The following CACUL1 variants were observed in gnomAD, a reference collection of about 807,000 sequenced individuals.
CACUL1 encodes CDK2 associated cullin domain 1, also known as CDK2-associated and cullin domain-containing protein 1.
CACUL1 carries 13 observed loss-of-function variants against 45.2 expected under a neutral mutation model. The observed-to-expected ratio is 0.29, with a 90% CI of 0.19 to 0.46. CACUL1 has a LOEUF of 0.46. Ranked by LOEUF, CACUL1 falls within the 20% of genes least tolerant of loss-of-function variation. The pLI is 1.00. For synonymous variants in CACUL1, 197 were observed against 174.2 expected (o/e 1.13, Z -1.03); for missense variants, 421 against 471.4 (o/e 0.89, Z 0.99).
At chr10:118,750,940 G>A (rs918283131) in intron 1 of CACUL1, among the ~76,000 whole-genome samples, 2 of 152,008 alleles carry the variant, frequency 1.3e-5, no homozygotes, top group South Asian at 2.1e-4. Context: ...GGGAAAATGC[G>A]GTACCATCAC....
intron 3 of CACUL1, among the ~76,000 whole-genome samples, chr10:118,718,735 G>A (rs1278735780): frequency 4.6e-5 from 7 of 152,004 alleles, no homozygotes; most frequent in East Asian, 3.9e-4. Flanking sequence ...CACCACGCCC[G>A]GCTAATTTTT....
intron 7 of CACUL1, 125 bp from the exon 8 acceptor site, chr10:118,686,766 A>T: frequency 1.4e-6 from 1 of 697,844 alleles, no homozygotes; most frequent in Non-Finnish European, 2.6e-6. Context: ...TTAAAAATAC[A>T]TATTAAACAT....
rs1177960767 is a variant in CACUL1, at chr10:118,679,848, G to A, written c.*6280C>T. On this transcript the variant is annotated 3_prime_UTR_variant, in exon 9 of 9. Transcript: ENST00000369151. ...TTTAAAAAATTTTTTTGTAGAGATG[G>A]GGTTCTGTGTTACCCAGGCTGGTCT... is the stretch of plus-strand genomic sequence containing the variant. 4 of 151,584 alleles carry A rather than the reference G, an allele frequency of 2.6e-5. No individual in the cohort carries two copies. The highest frequency in any genetic ancestry group is 9.7e-5 in the African/African-American group (4 of 41,232). 9.4% of individuals were successfully genotyped at this position (151,584 alleles called of 1,614,324 possible). A position where few individuals can be genotyped will look rare whatever the true frequency, so the allele number is the denominator to read the frequency against.
intron 1 of CACUL1, among the ~76,000 whole-genome samples, chr10:118,745,547 T>C (rs28820313): frequency 0.75 from 113,281 of 151,476 alleles, 42,443 homozygotes; most frequent in Non-Finnish European, 0.78. Flanking sequence ...GGCGACAGAG[T>C]GAGACTCCGT....
intron 3 of CACUL1, among the ~76,000 whole-genome samples, chr10:118,712,339 C>T (rs1354016900): frequency 6.6e-6 from 1 of 152,198 alleles, no homozygotes; most frequent in Non-Finnish European, 1.5e-5. Context: ...CCAAAGGGCC[C>T]CAAAGGGCCC....
intron 3 of CACUL1, among the ~76,000 whole-genome samples, chr10:118,715,154 A>G (rs1314331321): frequency 6.6e-6 from 1 of 152,246 alleles, no homozygotes; most frequent in Non-Finnish European, 1.5e-5. Flanking sequence ...TATATTAAAA[A>G]TAATTTCAGT....
intron 3 of CACUL1, among the ~76,000 whole-genome samples, chr10:118,710,912 T>C (rs1845478478): frequency 6.6e-6 from 1 of 152,224 alleles, no homozygotes; most frequent in Non-Finnish European, 1.5e-5. Flanking sequence ...AATTTCCATA[T>C]ATCCAAAATA....
At chr10:118,748,384 C>T (rs1326265069) in intron 1 of CACUL1, among the ~76,000 whole-genome samples, 12 of 152,180 alleles carry the variant, frequency 7.9e-5, no homozygotes, top group Non-Finnish European at 1.8e-4. Flanking sequence ...AACACAGAAC[C>T]ACTGAGAGAG....
intron 1 of CACUL1, among the ~76,000 whole-genome samples, chr10:118,751,509 A>T (rs2119689520): frequency 6.6e-6 from 1 of 152,206 alleles, no homozygotes; most frequent in African/African-American, 2.4e-5. Context: ...AAAGTTCCCA[A>T]CTTTTATACA....
intron 1 of CACUL1, among the ~76,000 whole-genome samples, chr10:118,745,058 CA>C (rs569332306): frequency 1.4e-3 from 214 of 152,190 alleles, no homozygotes; most frequent in Non-Finnish European, 2.6e-3. Context: ...ACAACAATAG[CA>C]TAAAGGACAA....
intron 3 of CACUL1, among the ~76,000 whole-genome samples, chr10:118,713,192 C>A (rs375292752): frequency 1.3e-5 from 2 of 152,240 alleles, no homozygotes; most frequent in African/African-American, 4.8e-5. Context: ...GGCCAGGCTG[C>A]GACAGCACCT....
intron 3 of CACUL1, among the ~76,000 whole-genome samples, chr10:118,724,729 AGAC>A (rs756957117): frequency 2.0e-5 from 3 of 152,240 alleles, no homozygotes; most frequent in Non-Finnish European, 4.4e-5. Flanking sequence ...TGGAAGAGGA[AGAC>A]AACAATGGGA....
Position 118,754,510 on chromosome 10 carries a change from T to C in CACUL1, c.253A>G (p.Asn85Asp). ...PMGPQPPPEA[N>D]GVIMMLKSCD... The stretch of plus-strand genomic sequence containing the variant: ...CTCTTCAACATCATGATCACCCCAT[T>C]AGCCTCCGGCGGTGGCTGCGGCCCC... The change falls in exon 1 of 9, where the codon AAT becomes GAT. Residue 85 changes from asparagine to aspartate, a missense_variant. Physicochemically the swap from Asn to Asp is conservative, Grantham distance 23 (BLOSUM62 1). Around this residue, in one of 2 missense-constraint regions of CACUL1, gnomAD observed 213 missense variants for 173.1 expected, o/e 1.23. Coordinates refer to ENST00000369151, the MANE Select transcript of CACUL1 (RefSeq NM_153810.5). The C allele has an allele frequency of 2.5e-6, 4 of 1,613,228 alleles. No homozygotes were observed. Among genetic ancestry groups the C allele is most frequent in the East Asian group, 2.2e-5 (1 of 44,776 alleles).
chr10:118,726,056 T>C (rs979009322), intron 3 of CACUL1, among the ~76,000 whole-genome samples: 1 of 152,182 alleles, frequency 6.6e-6, no homozygotes, highest in African/African-American at 2.4e-5. Flanking sequence ...ATCTGCCAAA[T>C]GCAACTCCTC....
chr10:118,729,245 C>T (rs1459845644), intron 3 of CACUL1, 50 bp downstream of exon 3: 1 of 1,245,728 alleles, frequency 8.0e-7, no homozygotes, highest in East Asian at 2.3e-5. Flanking sequence ...CTAACTGCAA[C>T]CAGTCAGGAA....
chr10:118,727,385 C>A (rs1336812585), intron 3 of CACUL1, among the ~76,000 whole-genome samples: 1 of 127,694 alleles, frequency 7.8e-6, no homozygotes, highest in Non-Finnish European at 1.7e-5. Flanking sequence ...CAGAGCGAGA[C>A]CCCCATCTCA....
chr10:118,700,913 A>G (rs1467629968), intron 5 of CACUL1, among the ~76,000 whole-genome samples: 1 of 152,236 alleles, frequency 6.6e-6, no homozygotes, highest in African/African-American at 2.4e-5. Context: ...TTTCTGCACT[A>G]GAGTAAAAAT....
At chr10:118,748,212 C>CAA (rs1564840383) in intron 1 of CACUL1, among the ~76,000 whole-genome samples, 1 of 152,210 alleles carries the variant, frequency 6.6e-6, no homozygotes, top group Admixed American at 6.5e-5. Flanking sequence ...TCCGACATGT[C>CAA]TTATTGAGTA....
rs1228941014 is a variant in CACUL1, at chr10:118,677,429, C to CA, written c.*8698dup. ...GAGAACTGGCATGTTTAGAATGGTCCAAACGTTCATATTATGAAGTGCTTC... is the reference window on the plus strand; with the variant it reads ...GAGAACTGGCATGTTTAGAATGGTCCAAAACGTTCATATTATGAAGTGCTTC... On this transcript the variant is annotated 3_prime_UTR_variant, in exon 9 of 9. Transcript: ENST00000369151. The CA allele has an allele frequency of 6.6e-6, 1 of 152,096 alleles. No individual in the cohort carries two copies. The highest frequency in any genetic ancestry group is 2.4e-5 in the African/African-American group (1 of 41,398). The allele number at this position is 152,096 out of a possible 1,614,324, so 9.4% of individuals were successfully genotyped here.
Sources: allele counts gnomAD v4.1 joint callset (sites outside exome capture counted in the v4.1 genomes callset), GRCh38; gene constraint gnomAD v4.1.1; regional missense constraint gnomAD v4.1.1; transcripts MANE v1.5; gene names NCBI Gene and HGNC (gene_info 2026-07-23, HGNC 2026-07-21).